Variants in PHC1 observed in about 807,000 individuals in gnomAD.
PHC1 encodes the protein polyhomeotic-like protein 1.
In PHC1, 12 loss-of-function variants were observed where a neutral mutation model predicts 104.3. The ratio of observed to expected loss-of-function variants is 0.12; its 90% confidence interval spans 0.07 to 0.19. PHC1 has a LOEUF of 0.19. Among genes scored for constraint, PHC1 ranks in the 10% least tolerant of loss-of-function variants. The pLI is 1.00. For missense variants in PHC1, 671 were observed against 1,200.0 expected, an observed-to-expected ratio of 0.56 and a Z score of 6.51; for synonymous variants, 302 against 455.8, an observed-to-expected ratio of 0.66 and a Z score of 4.30.
At chr12:8,938,359 AATTT>A (rs1945902067) in intron 14 of PHC1, among the ~76,000 whole-genome samples, 1 of 151,958 alleles carries the variant, frequency 6.6e-6, no homozygotes, top group Admixed American at 6.6e-5. Context: ...ATGGGGAAAA[AATTT>A]TTTTTTTCAG....
chr12:8,926,928 G>C (rs1235931247), intron 6 of PHC1, among the ~76,000 whole-genome samples: 2 of 151,882 alleles, frequency 1.3e-5, no homozygotes, highest in East Asian at 3.9e-4. Flanking sequence ...AAAAAAAAAT[G>C]TTTGGGGAGA....
intron 1 of PHC1, chr12:8,916,061 G>C (rs926164840): frequency 6.5e-6 from 1 of 154,294 alleles, no homozygotes; most frequent in African/African-American, 2.4e-5. Flanking sequence ...TGATAATGAG[G>C]ATTCATGGGT....
intron 1 of PHC1, among the ~76,000 whole-genome samples, chr12:8,915,449 C>T (rs1182325226): frequency 6.6e-6 from 1 of 151,998 alleles, no homozygotes; most frequent in Non-Finnish European, 1.5e-5. Context: ...ATAAGAGTTT[C>T]GTGCTTAGGG....
At chr12:8,921,771 C>T (rs1236724689) in intron 5 of PHC1, 21 bp downstream of exon 5, 3 of 1,566,908 alleles carry the variant, frequency 1.9e-6, no homozygotes, top group Non-Finnish European at 2.6e-6. Flanking sequence ...GATGCAGTCA[C>T]CATTGCCCCA....
In PHC1 at chr12:8,927,362, ATG is replaced by A. The variant is rs1945545500; in HGVS notation, c.613-3070_613-3069del. On this transcript the variant is annotated intron_variant, in intron 6 of 14. Transcript: ENST00000544916. ...AAGGAAGGTGGAACTGGGGAGGGGA[ATG>A]TGCAGTTCCTACATGGTGATGAGGG... Among the ~76,000 whole-genome samples the A allele has an allele frequency of 2.0e-5, 3 of 152,242 alleles. No individual in the cohort carries two copies. In the South Asian group the frequency reaches 6.2e-4, roughly 32 times the overall value.
intron 6 of PHC1, among the ~76,000 whole-genome samples, chr12:8,928,257 TGTA>T (rs1230546317): frequency 3.9e-5 from 6 of 152,160 alleles, no homozygotes; most frequent in Non-Finnish European, 8.8e-5. Flanking sequence ...TTAACCTACT[TGTA>T]GTTCTTTTCC....
Position 8,917,782 on chromosome 12 carries a change from A to G in PHC1, c.105A>G (p.Gln35=), listed in dbSNP as rs1203187413. The change falls in exon 2 of 15, where the codon CAA becomes CAG. Residue 35 remains glutamine, a synonymous_variant. Transcript: ENST00000544916. ...QIAQMSLYER[Q]AVQALQALQR... ...CTCAAATGTCACTTTATGAACGACA[A>G]GCAGTGCAGGTGAGACTCAGCTCTG... 4.5e-6 allele frequency: 7 copies of G among 1,555,140 alleles called. No individual in the cohort carries two copies. In the East Asian group the frequency reaches 7.3e-5, roughly 16 times the overall value.
intron 6 of PHC1, among the ~76,000 whole-genome samples, chr12:8,928,718 G>A (rs1945599678): frequency 2.6e-5 from 4 of 152,164 alleles, no homozygotes; most frequent in South Asian, 4.1e-4. Context: ...TTCTCTGCCT[G>A]TGGAATATTT....
chr12:8,915,711 T>C (rs1945182519), intron 1 of PHC1: 1 of 152,256 alleles, frequency 6.6e-6, no homozygotes, highest in African/African-American at 2.4e-5. Flanking sequence ...TATTTAATCT[T>C]GTAGTCATAA....
chr12:8,930,903 C>T lies in PHC1; in HGVS notation c.1081C>T (p.Pro361Ser), dbSNP rs755055511. The part of the protein sequence containing the change: ...MNLTRTATPA[P>S]SQTLISSATY... ...CCTGACACGGACAGCCACACCTGCG[C>T]CCAGCCAGACACTTATTAGCTCAGG... Residue 361 changes from proline to serine, a missense_variant, in exon 7 of 15, where the codon CCC (proline) becomes TCC (serine). By Grantham distance (74) the Pro-to-Ser change is moderately conservative (BLOSUM62 -1). Transcript: ENST00000544916. 6.2e-7 allele frequency: 1 copy of T among 1,603,384 alleles called. No individual in the cohort carries two copies. Among genetic ancestry groups the T allele is most frequent in the Non-Finnish European group, 8.5e-7 (1 of 1,173,240 alleles).
At chr12:8,920,837 T>C in intron 3 of PHC1, 148 bp from the exon 4 acceptor site, 1 of 588,870 alleles carries the variant, frequency 1.7e-6, no homozygotes. Context: ...ACTGGACTAG[T>C]GAATATACTT....
At chr12:8,931,503 T>C (rs1338233004) in intron 7 of PHC1, among the ~76,000 whole-genome samples, 6 of 152,148 alleles carry the variant, frequency 3.9e-5, no homozygotes, top group East Asian at 1.9e-4. Flanking sequence ...AGTTTGAGAC[T>C]AGCCTGGCCA....
At position 8,921,072 on chromosome 12, in the gene PHC1, A is replaced by G. The variant is rs199761930; in HGVS notation, c.306+7A>G. 4.1e-4 allele frequency: 655 copies of G among 1,605,066 alleles called. 1 individual carries two copies. The highest frequency in any genetic ancestry group is 5.4e-4 in the Non-Finnish European group (632 of 1,175,164). ...TACCACCACCCAGGCCTCGGTGAGT[A>G]CGCCCTCTCCCACTGAGAGGCTTCT... is the stretch of plus-strand genomic sequence containing the variant. On this transcript the variant is annotated splice_region_variant and intron_variant, in intron 4 of 14. Coordinates refer to ENST00000544916, the MANE Select transcript of PHC1 (RefSeq NM_004426.3).
At chr12:8,939,182 G>A in intron 14 of PHC1, 123 bp from the exon 15 acceptor site, 1 of 1,218,560 alleles carries the variant, frequency 8.2e-7, no homozygotes, top group East Asian at 2.4e-5. Context: ...CTTGCCATCT[G>A]ACTTCATATT....
In PHC1 at chr12:8,930,510, A is replaced by G. The variant is rs1246936719; in HGVS notation, c.688A>G (p.Ile230Val). 4 of 1,555,758 alleles carry G rather than the reference A, an allele frequency of 2.6e-6. No homozygotes were observed. The highest frequency in any genetic ancestry group is 3.5e-6 in the Non-Finnish European group (4 of 1,149,674). The change falls in exon 7 of 15, where the codon ATT becomes GTT. Residue 230 changes from isoleucine to valine, a missense_variant. Ile to Val is a conservative substitution (Grantham distance 29). Coordinates refer to ENST00000544916, the MANE Select transcript of PHC1 (RefSeq NM_004426.3). ...PQMQGSTQKAIPPGASPVSSL... is the reference protein window; with the variant it reads ...PQMQGSTQKAVPPGASPVSSL... ...GATGCAAGGCTCCACTCAGAAGGCC[A>G]TTCCTCCAGGAGCCTCCCCTGTCTC...
At chr12:8,915,512 A>G (rs1388832566) in intron 1 of PHC1, among the ~76,000 whole-genome samples, 1 of 151,974 alleles carries the variant, frequency 6.6e-6, no homozygotes, top group Non-Finnish European at 1.5e-5. Context: ...TCAATGTCCC[A>G]TTCTAACTCC....
At chr12:8,922,869 C>A in intron 6 of PHC1, 81 bp downstream of exon 6, 1 of 1,200,744 alleles carries the variant, frequency 8.3e-7, no homozygotes, top group Non-Finnish European at 1.2e-6. Flanking sequence ...CACCCTTCTG[C>A]CCCATTACAC....
At chr12:8,927,853 T>TTTTTTCTTTCTTTC (rs1555127853) in intron 6 of PHC1, among the ~76,000 whole-genome samples, 2 of 110,820 alleles carry the variant, frequency 1.8e-5, no homozygotes, top group African/African-American at 6.9e-5. Context: ...ACTGTACTAG[T>TTTTTTCTTTCTTTC]TTTCTTTCTT....
rs908503220 is a variant in PHC1, at chr12:8,919,076, T to G, written c.115-680T>G. Among the ~76,000 whole-genome samples, 1 of 152,210 alleles carries G rather than the reference T, an allele frequency of 6.6e-6. No individual in the cohort carries two copies. Among genetic ancestry groups the G allele is most frequent in the Admixed American group, 6.5e-5 (1 of 15,284 alleles). On this transcript the variant is annotated intron_variant, in intron 2 of 14. Coordinates refer to ENST00000544916, the MANE Select transcript of PHC1 (RefSeq NM_004426.3). This position sits in a 1 kb window ranked among gnomAD's most constrained non-coding sequence, Gnocchi z 4.9. ...AGGCAGAAGGATCTCTCTGTTTTTT[T>G]GAGATGGAGTTTCGCTCCTGTTGCC... is the stretch of plus-strand genomic sequence containing the variant.
Sources: allele counts gnomAD v4.1 joint callset (sites outside exome capture counted in the v4.1 genomes callset), GRCh38; gene constraint gnomAD v4.1.1; non-coding constraint Gnocchi (gnomAD v3.1); transcripts MANE v1.5; gene names NCBI Gene and HGNC (gene_info 2026-07-23, HGNC 2026-07-21).